Variants in ATAD2B observed in about 807,000 individuals in gnomAD.
ATAD2B encodes the protein ATPase family AAA domain containing 2B, also known as ATPase family AAA domain-containing protein 2B.
ATAD2B carries 40 observed loss-of-function variants against 167.6 expected under a neutral mutation model. The ratio of observed to expected loss-of-function variants is 0.24; its 90% CI spans 0.19 to 0.31. The LOEUF is 0.31. ATAD2B is among the 10% of genes least tolerant of loss of function. ATAD2B has a pLI of 1.00. For missense variants in ATAD2B, 1,242 were observed against 1,757.2 expected, an observed-to-expected ratio of 0.71 and a Z score of 5.24; for synonymous variants, 579 against 596.5, an observed-to-expected ratio of 0.97 and a Z score of 0.43.
the ATAD2B span, among the ~76,000 whole-genome samples, chr2:23,682,414 A>G: frequency 1.4e-4 from 21 of 151,518 alleles, no homozygotes; most frequent in Admixed American, 1.2e-3. This position sits in a 1 kb window ranked among gnomAD's most constrained non-coding sequence, Gnocchi z 4.1. Flanking sequence ...TCGAGGCTCA[A>G]CTCTCTGCAC....
At chr2:23,909,439 C>CATATAT (rs142022080) in intron 1 of ATAD2B, among the ~76,000 whole-genome samples, 2 of 149,618 alleles carry the variant, frequency 1.3e-5, no homozygotes, top group Non-Finnish European at 3.0e-5. Flanking sequence ...TACATACATA[C>CATATAT]ATATATATAT....
chr2:23,809,339 C>A (rs1361124408), intron 18 of ATAD2B, among the ~76,000 whole-genome samples: 2 of 151,978 alleles, frequency 1.3e-5, no homozygotes, highest in Non-Finnish European at 2.9e-5. Flanking sequence ...TGATGAAGTG[C>A]TGGTAGGGTG....
chr2:23,902,077 ATT>A (rs1700909919), intron 1 of ATAD2B, among the ~76,000 whole-genome samples: 1 of 152,220 alleles, frequency 6.6e-6, no homozygotes, highest in Non-Finnish European at 1.5e-5. Context: ...AATCACCTGC[ATT>A]ACTCATTAAA....
the ATAD2B span, chr2:23,695,808 G>A: frequency 5.4e-5 from 83 of 1,549,046 alleles, no homozygotes; most frequent in East Asian, 1.3e-3. This position sits in a 1 kb window ranked among gnomAD's most constrained non-coding sequence, Gnocchi z 7.6. Context: ...GAACCCGGCC[G>A]CGCCTCTCTG....
At chr2:23,853,971 C>T (rs1040687922) in intron 13 of ATAD2B, among the ~76,000 whole-genome samples, 6 of 152,156 alleles carry the variant, frequency 3.9e-5, no homozygotes, top group Admixed American at 3.9e-4. Flanking sequence ...ATAGGCTGGG[C>T]ATGGTGGCTC....
At chr2:23,684,313 T>C in the ATAD2B span, 1 of 1,063,646 alleles carries the variant, frequency 9.4e-7, no homozygotes, top group Non-Finnish European at 1.3e-6. The surrounding 1 kb of genome is among the most constrained non-coding windows in gnomAD (Gnocchi z 4.4). Flanking sequence ...CTCTACTTCT[T>C]GAAAAAAGAA....
At chr2:23,882,002 C>T (rs111961877) in intron 6 of ATAD2B, among the ~76,000 whole-genome samples, 9,882 of 152,086 alleles carry the variant, frequency 0.065, 408 homozygotes, top group African/African-American at 0.12. Context: ...GGATTACAGG[C>T]GTGAGCCAAA....
intron 22 of ATAD2B, among the ~76,000 whole-genome samples, chr2:23,771,546 G>C (rs1372184135): frequency 6.6e-6 from 1 of 152,158 alleles, no homozygotes; most frequent in Non-Finnish European, 1.5e-5. Flanking sequence ...ATAGTCTGCT[G>C]ACCCCTGGTT....
intron 22 of ATAD2B, among the ~76,000 whole-genome samples, chr2:23,772,203 A>C (rs1452421175): frequency 6.6e-6 from 1 of 152,210 alleles, no homozygotes; most frequent in African/African-American, 2.4e-5. Flanking sequence ...GGCCAGAAGA[A>C]GAAAAGAAGA....
chr2:23,906,897 G>T lies in ATAD2B; in HGVS notation c.217-10927C>A, dbSNP rs1202291650. Among the ~76,000 whole-genome samples, 3 of 151,374 alleles carry T rather than the reference G, an allele frequency of 2.0e-5. No individual in the cohort carries two copies. In the South Asian group the frequency reaches 6.3e-4, roughly 32 times the overall value. On this transcript the variant is annotated intron_variant, in intron 1 of 27. Coordinates refer to ENST00000238789, the MANE Select transcript of ATAD2B (RefSeq NM_017552.4). ...GATTATCTCAATAGATGCAGAAAAG[G>T]CCTTTGACAAAATTCAACAACCCTT...
chr2:23,898,445 G>T lies in ATAD2B; in HGVS notation c.217-2475C>A, dbSNP rs75537266. Among the ~76,000 whole-genome samples, 4 of 152,182 alleles carry T rather than the reference G, an allele frequency of 2.6e-5. No homozygotes were observed. The East Asian group carries it at 5.8e-4, about 22-fold the overall frequency. On this transcript the variant is annotated intron_variant, in intron 1 of 27. Coordinates refer to ENST00000238789, the MANE Select transcript of ATAD2B (RefSeq NM_017552.4). ...AAATCTTTGAATCCACCTATCAGTT[G>T]TAAGCCCTCCATCTTTCCCGTCTTT...
At chr2:23,727,003 T>C in the ATAD2B span, among the ~76,000 whole-genome samples, 1 of 152,180 alleles carries the variant, frequency 6.6e-6, no homozygotes, top group East Asian at 1.9e-4. Context: ...GTAAATTATC[T>C]AAACACCAAT....
the ATAD2B span, chr2:23,696,741 G>A: frequency 4.2e-6 from 2 of 481,106 alleles, no homozygotes; most frequent in Non-Finnish European, 7.3e-6. This position sits in a 1 kb window ranked among gnomAD's most constrained non-coding sequence, Gnocchi z 5.5. Context: ...GCTGAGATGG[G>A]AGATGGGGCG....
chr2:23,868,638 GA>G (rs200297114), intron 9 of ATAD2B, among the ~76,000 whole-genome samples: 1 of 151,720 alleles, frequency 6.6e-6, no homozygotes. Context: ...TTATATGATT[GA>G]AAAAATTGTC....
chr2:23,702,096 G>A, the ATAD2B span, among the ~76,000 whole-genome samples: 1 of 151,754 alleles, frequency 6.6e-6, no homozygotes, highest in Non-Finnish European at 1.5e-5. Context: ...GTGCTGGGAT[G>A]ATAGGCGTGA....
intron 23 of ATAD2B, 96 bp downstream of exon 23, chr2:23,765,410 C>T: frequency 9.8e-7 from 1 of 1,023,918 alleles, no homozygotes; most frequent in Non-Finnish European, 1.3e-6. Flanking sequence ...ACATTACTTT[C>T]ATAATACCAG....
intron 12 of ATAD2B, among the ~76,000 whole-genome samples, chr2:23,859,012 C>T (rs767285434): frequency 1.3e-5 from 2 of 152,092 alleles, no homozygotes; most frequent in Non-Finnish European, 2.9e-5. Flanking sequence ...AGGCATGTGT[C>T]ATTTCTAATC....
intron 1 of ATAD2B, among the ~76,000 whole-genome samples, chr2:23,926,171 C>T (rs1704770142): frequency 6.6e-6 from 1 of 152,222 alleles, no homozygotes; most frequent in African/African-American, 2.4e-5. Context: ...GGGTTTGACA[C>T]CGCAGAAAAC....
At chr2:23,830,823 G>A (rs1363870603) in intron 14 of ATAD2B, among the ~76,000 whole-genome samples, 1 of 151,752 alleles carries the variant, frequency 6.6e-6, no homozygotes, top group Non-Finnish European at 1.5e-5. Context: ...GTGCTGCTAA[G>A]GGTGATTACA....
Sources: allele counts gnomAD v4.1 joint callset (sites outside exome capture counted in the v4.1 genomes callset), GRCh38; gene constraint gnomAD v4.1.1; non-coding constraint Gnocchi (gnomAD v3.1); transcripts MANE v1.5; gene names NCBI Gene and HGNC (gene_info 2026-07-23, HGNC 2026-07-21).